Variants in SSBP2 observed in about 807,000 individuals in gnomAD.
SSBP2 encodes single stranded DNA binding protein 2, also known as single-stranded DNA-binding protein 2.
A neutral mutation model predicts 61.8 loss-of-function variants in SSBP2; 17 were observed. The ratio of observed to expected loss-of-function variants is 0.28; its 90% CI spans 0.19 to 0.41. The LOEUF is 0.41. SSBP2 is among the 10% of genes least tolerant of loss of function. The pLI, the probability that SSBP2 is intolerant of heterozygous loss-of-function variation, is 1.00. For synonymous variants in SSBP2, 139 were observed against 141.3 expected (o/e 0.98, Z 0.12); for missense variants, 310 against 458.7 (o/e 0.68, Z 2.96).
chr5:81,581,215 G>C (rs1036509016), intron 4 of SSBP2, among the ~76,000 whole-genome samples: 1 of 152,138 alleles, frequency 6.6e-6, no homozygotes, highest in Admixed American at 6.5e-5. Context: ...AAGTAAGATC[G>C]AGTCCCTTAA....
chr5:81,622,507 C>T (rs895308189), intron 3 of SSBP2, among the ~76,000 whole-genome samples: 3 of 152,180 alleles, frequency 2.0e-5, no homozygotes, highest in Non-Finnish European at 2.9e-5. Context: ...GTTGCTTAAA[C>T]TGATCAGAAA....
chr5:81,685,164 G>A (rs1335725066), intron 1 of SSBP2, among the ~76,000 whole-genome samples: 1 of 152,012 alleles, frequency 6.6e-6, no homozygotes, highest in African/African-American at 2.4e-5. Flanking sequence ...GTTTCTTGAG[G>A]CCTCCCAGTC....
At chr5:81,730,274 G>C (rs1417907589) in intron 1 of SSBP2, among the ~76,000 whole-genome samples, 2 of 152,132 alleles carry the variant, frequency 1.3e-5, no homozygotes, top group East Asian at 3.9e-4. Context: ...GCCCAGGCTG[G>C]AGTGCAGTGG....
intron 4 of SSBP2, among the ~76,000 whole-genome samples, chr5:81,515,068 T>C (rs1222601886): frequency 6.6e-6 from 1 of 152,060 alleles, no homozygotes; most frequent in Non-Finnish European, 1.5e-5. Flanking sequence ...ATTGCTCTAT[T>C]GAGCTTTATA....
chr5:81,738,307 GATTTCAATAACGCT>G (rs1756758149), intron 1 of SSBP2, among the ~76,000 whole-genome samples: 2 of 152,126 alleles, frequency 1.3e-5, no homozygotes, highest in South Asian at 4.1e-4. Context: ...ATGAATGTCA[GATTTCAATAACGCT>G]ATTTTTTTAA....
chr5:81,658,125 T>C (rs1750382718), intron 1 of SSBP2, among the ~76,000 whole-genome samples: 2 of 152,108 alleles, frequency 1.3e-5, no homozygotes, highest in Non-Finnish European at 2.9e-5. Context: ...ATAACAACTA[T>C]AGTCACCACA....
At chr5:81,499,065 A>G (rs1767503309) in intron 5 of SSBP2, among the ~76,000 whole-genome samples, 1 of 152,180 alleles carries the variant, frequency 6.6e-6, no homozygotes, top group African/African-American at 2.4e-5. Flanking sequence ...CCCAGTGGAT[A>G]AGACATTCCT....
At chr5:81,534,260 A>T (rs1157516111) in intron 4 of SSBP2, among the ~76,000 whole-genome samples, 1 of 152,098 alleles carries the variant, frequency 6.6e-6, no homozygotes, top group Non-Finnish European at 1.5e-5. Context: ...CATTACTGAA[A>T]GCCTATTTAC....
At chr5:81,736,905 G>T (rs907601072) in intron 1 of SSBP2, among the ~76,000 whole-genome samples, 4 of 152,132 alleles carry the variant, frequency 2.6e-5, no homozygotes, top group Non-Finnish European at 4.4e-5. Context: ...TAGCCAGAGT[G>T]GGCAGTTATT....
rs373622464 is a variant in SSBP2 at position 81,650,236 on chromosome 5, A to C, written c.135+31T>G. 8 of 1,436,898 alleles carry C rather than the reference A, an allele frequency of 5.6e-6. No individual in the cohort carries two copies. In the African/African-American group the frequency reaches 1.2e-4, roughly 21 times the overall value. The allele number at this position is 1,436,898 out of a possible 1,614,324, so 89.0% of individuals were successfully genotyped here. A position where few individuals can be genotyped will look rare whatever the true frequency, so the allele number is the denominator to read the frequency against. ...TTTTCCATTCATTTATATAAGATCA[A>C]AATGCAATACAGAAAATATATAAAA... On this transcript the variant is annotated intron_variant, in intron 2 of 16. Coordinates refer to ENST00000320672, the MANE Select transcript of SSBP2 (RefSeq NM_012446.5).
intron 4 of SSBP2, among the ~76,000 whole-genome samples, chr5:81,572,040 G>C (rs10447167): frequency 6.6e-6 from 1 of 152,008 alleles, no homozygotes; most frequent in Non-Finnish European, 1.5e-5. Context: ...AGAAATAGCA[G>C]ATCAATTTGG....
rs148510179 is a variant in SSBP2 at position 81,635,215 on chromosome 5, G to A, written c.197+1342C>T. ...ATAAAGGTATGAACATAACTTCTTC[G>A]AGGCAAAAAAAAAAAAATCCATTTG... On this transcript the variant is annotated intron_variant, in intron 3 of 16. Transcript: ENST00000320672. 6.9e-3 allele frequency among the ~76,000 whole-genome samples: 1,034 copies of A among 150,054 alleles called. 12 individuals carry two copies. Among genetic ancestry groups the A allele is most frequent in the African/African-American group, 0.024 (1,002 of 40,922 alleles).
intron 8 of SSBP2, among the ~76,000 whole-genome samples, chr5:81,468,237 A>G (rs1408764162): frequency 2.6e-5 from 4 of 151,988 alleles, no homozygotes; most frequent in African/African-American, 9.7e-5. Flanking sequence ...ATATCCAGTC[A>G]GTTACCAAAG....
At chr5:81,452,625 G>A (rs2153982758) in intron 10 of SSBP2, among the ~76,000 whole-genome samples, 1 of 152,326 alleles carries the variant, frequency 6.6e-6, no homozygotes, top group Non-Finnish European at 1.5e-5. Flanking sequence ...GGGTGTGGCA[G>A]ACAAAGAAAG....
intron 1 of SSBP2, among the ~76,000 whole-genome samples, chr5:81,657,910 GATAA>G (rs1016004147): frequency 4.1e-4 from 63 of 151,994 alleles, no homozygotes; most frequent in Non-Finnish European, 1.8e-4. Context: ...TTTTTTAATT[GATAA>G]ATAAAAATTG....
Position 81,747,026 on chromosome 5 carries a change from G to GC in SSBP2, c.62+3954_62+3955insG, listed in dbSNP as rs1038062183. Among the ~76,000 whole-genome samples the GC allele has an allele frequency of 2.2e-3, 314 of 142,234 alleles. 5 individuals are homozygous for GC. The highest frequency in any genetic ancestry group is 7.6e-3 in the African/African-American group (300 of 39,520). 93.3% of individuals were successfully genotyped at this position (142,234 alleles called of 152,430 possible). On this transcript the variant is annotated intron_variant, in intron 1 of 16. Coordinates refer to ENST00000320672, the MANE Select transcript of SSBP2 (RefSeq NM_012446.5). Reference sequence around the variant, plus strand: ...CAAGCAATCAAACAAAATTCCTGGGGGGGGGGGGAATCTGAAGAAACAAGT... The same window carrying GC: ...CAAGCAATCAAACAAAATTCCTGGGGCGGGGGGGGAATCTGAAGAAACAAGT...
At chr5:81,732,172 TATG>T (rs1756312254) in intron 1 of SSBP2, among the ~76,000 whole-genome samples, 1 of 152,178 alleles carries the variant, frequency 6.6e-6, no homozygotes, top group African/African-American at 2.4e-5. Context: ...ATTAAGAGCA[TATG>T]ATGTTAAACC....
intron 4 of SSBP2, among the ~76,000 whole-genome samples, chr5:81,547,983 CCCATGGAAT>C (rs1771871116): frequency 6.6e-6 from 1 of 152,068 alleles, no homozygotes; most frequent in African/African-American, 2.4e-5. Flanking sequence ...ACTGTGTAAA[CCCATGGAAT>C]ATACAATATA....
chr5:81,483,868 AAATTTAATTAAAATT>A (rs1766187049), intron 6 of SSBP2, among the ~76,000 whole-genome samples: 1 of 152,212 alleles, frequency 6.6e-6, no homozygotes, highest in Admixed American at 6.5e-5. Context: ...GCAGCAATTT[AAATTTAATTAAAATT>A]AATTTAATTA....
Sources: allele counts gnomAD v4.1 joint callset (sites outside exome capture counted in the v4.1 genomes callset), GRCh38; gene constraint gnomAD v4.1.1; transcripts MANE v1.5; gene names NCBI Gene and HGNC (gene_info 2026-07-23, HGNC 2026-07-21).